The following PLD3 variants were observed in gnomAD, a reference collection of about 807,000 sequenced individuals.
PLD3 encodes the protein 5'-3' exonuclease PLD3.
In PLD3, 31 loss-of-function variants were observed where a neutral mutation model predicts 58.4. The observed-to-expected ratio is 0.53, with a 90% CI of 0.40 to 0.72. PLD3 has a LOEUF of 0.72. Among genes scored for constraint, PLD3 ranks in the 30% least tolerant of loss-of-function variants. PLD3 has a pLI of 0.00. For missense variants in PLD3, 595 were observed against 659.8 expected, an observed-to-expected ratio of 0.90 and a Z score of 1.08; for synonymous variants, 264 against 273.4, an observed-to-expected ratio of 0.97 and a Z score of 0.34.
intron 11 of PLD3, 39 bp from the exon 12 acceptor site, chr19:40,377,746 CT>C: frequency 6.7e-7 from 1 of 1,494,646 alleles, no homozygotes; most frequent in Non-Finnish European, 9.3e-7. Flanking sequence ...CCGACTCCCC[CT>C]GCCTCTCACA....
Position 40,366,754 on chromosome 19 carries a change from C to A in PLD3, c.103-19C>A. Reference sequence around the variant, plus strand: ...GGCTGCCCCCCTCGGGCTGGCTGACCACCTCCTCCTCCCCACAGAAAGCCC... The same window carrying A: ...GGCTGCCCCCCTCGGGCTGGCTGACAACCTCCTCCTCCCCACAGAAAGCCC... On this transcript the variant is annotated intron_variant, in intron 4 of 12. Transcript: ENST00000409735. 1 of 1,613,926 alleles carries A rather than the reference C, an allele frequency of 6.2e-7. No individual in the cohort carries two copies. The highest frequency in any genetic ancestry group is 1.1e-5 in the South Asian group (1 of 91,088).
intron 5 of PLD3, 60 bp from the exon 6 acceptor site, chr19:40,367,636 C>T: frequency 6.9e-7 from 1 of 1,449,350 alleles, no homozygotes; most frequent in Non-Finnish European, 9.5e-7. Context: ...CAGCTGAGCA[C>T]TCACCTCCCA....
chr19:40,371,950 G>T (rs934584642), intron 9 of PLD3, 77 bp downstream of exon 9: 4 of 1,210,612 alleles, frequency 3.3e-6, no homozygotes, highest in East Asian at 2.3e-5. Context: ...TCCCTGTTTG[G>T]TGATGACAGG....
At chr19:40,361,090 T>C (rs1175088383) in intron 1 of PLD3, among the ~76,000 whole-genome samples, 2 of 151,464 alleles carry the variant, frequency 1.3e-5, no homozygotes, top group African/African-American at 4.8e-5. Flanking sequence ...AAGAGTAGCC[T>C]GGGCAGCGTA....
Position 40,376,223 on chromosome 19 carries a change from C to T in PLD3, c.1020-386C>T, listed in dbSNP as rs577927821. The T allele has an allele frequency of 2.2e-3, 385 of 174,866 alleles. 2 individuals are homozygous for T. The highest frequency in any genetic ancestry group is 8.6e-3 in the African/African-American group (361 of 42,208). 10.8% of individuals were successfully genotyped at this position (174,866 alleles called of 1,614,324 possible). ...ATACAAAATTAGCCAGGCGTGGTAG[C>T]GCATGCCTGTAATCCTAGCTACCCG... On this transcript the variant is annotated intron_variant, in intron 10 of 12. Transcript: ENST00000409735.
At position 40,366,869 on chromosome 19, in the gene PLD3, C is replaced by T. The variant is rs778221354; in HGVS notation, c.199C>T (p.Leu67Phe). The change falls in exon 5 of 13, where the codon CTC becomes TTC. Residue 67 changes from leucine to phenylalanine, a missense_variant. Leu to Phe is a conservative substitution (Grantham distance 22). Coordinates refer to ENST00000409735, the MANE Select transcript of PLD3 (RefSeq NM_012268.4). ...LFLWEYGDLH[L>F]FGPNQRPAPC... Reference sequence around the variant, plus strand: ...TCTATGGGAATACGGCGACTTGCATCTCTTTGGGCCCAACCAGCGCCCAGC... The same window carrying T: ...TCTATGGGAATACGGCGACTTGCATTTCTTTGGGCCCAACCAGCGCCCAGC... 11 of 1,613,754 alleles carry T rather than the reference C, an allele frequency of 6.8e-6. No homozygotes were observed. The highest frequency in any genetic ancestry group is 1.6e-4 in the Middle Eastern group (1 of 6,078).
At chr19:40,364,658 TG>T (rs1200122972) in intron 1 of PLD3, among the ~76,000 whole-genome samples, 1 of 150,782 alleles carries the variant, frequency 6.6e-6, no homozygotes, top group African/African-American at 2.4e-5. Context: ...TAGCCGGGCA[TG>T]GTGGCGGGCG....
chr19:40,376,477 G>T, intron 10 of PLD3, 132 bp from the exon 11 acceptor site: 1 of 805,762 alleles, frequency 1.2e-6, no homozygotes, highest in Non-Finnish European at 2.0e-6. Flanking sequence ...ACAGGGTCTG[G>T]GAGCCAGCGA....
chr19:40,352,093 G>A (rs745768458), intron 1 of PLD3, among the ~76,000 whole-genome samples: 3 of 152,130 alleles, frequency 2.0e-5, no homozygotes, highest in Non-Finnish European at 4.4e-5. Context: ...CCAACATGGT[G>A]AAACCTCATC....
Position 40,377,948 on chromosome 19 carries a change from C to T in PLD3, c.1286-38C>T, listed in dbSNP as rs200652078. The T allele has an allele frequency of 1.4e-4, 225 of 1,612,632 alleles. 1 individual carries two copies. The African/African-American group carries it at 2.8e-3, about 20-fold the overall frequency. ...GGGGTTCAGACACCAGGGGCGGCCC[C>T]CCGAGGGTGCCCTTATGCTCCACCC... is the stretch of plus-strand genomic sequence containing the variant. On this transcript the variant is annotated intron_variant, in intron 12 of 12. Transcript: ENST00000409735.
At chr19:40,376,906 C>G in intron 11 of PLD3, 132 bp downstream of exon 11, 1 of 861,360 alleles carries the variant, frequency 1.2e-6, no homozygotes, top group South Asian at 1.8e-5. Flanking sequence ...AACCATGGGT[C>G]AGGGCCAGGG....
In PLD3 at chr19:40,374,512, G is replaced by A. The variant is rs528603627; in HGVS notation, c.911G>A (p.Arg304His). 1.4e-5 allele frequency: 22 copies of A among 1,614,106 alleles called. No homozygotes were observed. Among genetic ancestry groups the A allele is most frequent in the African/African-American group, 2.7e-5 (2 of 75,032 alleles). The change falls in exon 10 of 13, where the codon CGC (arginine) becomes CAC (histidine). Residue 304 changes from arginine to histidine, a missense_variant. Arg to His is a conservative substitution (Grantham distance 29, BLOSUM62 0). Transcript: ENST00000409735. ...SAPPPLCPSG[R>H]TPDLKALLNV... ...CCCCCACCCCTGTGTCCAAGTGGCCGCACTCCAGACCTGAAGGCTCTACTC... is the reference window on the plus strand; with the variant it reads ...CCCCCACCCCTGTGTCCAAGTGGCCACACTCCAGACCTGAAGGCTCTACTC...
chr19:40,370,715 CT>C (rs796133844), intron 8 of PLD3: 4 of 154,360 alleles, frequency 2.6e-5, no homozygotes, highest in African/African-American at 9.6e-5. Flanking sequence ...TGCCCTCCCC[CT>C]GCTCCTGGAA....
intron 8 of PLD3, chr19:40,370,703 A>G (rs977500349): frequency 6.5e-6 from 1 of 154,624 alleles, no homozygotes; most frequent in African/African-American, 2.4e-5. Flanking sequence ...GGAGCCCTCT[A>G]CTGCCCTCCC....
intron 9 of PLD3, among the ~76,000 whole-genome samples, chr19:40,373,941 G>C (rs1337673448): frequency 6.8e-6 from 1 of 146,410 alleles, no homozygotes; most frequent in African/African-American, 2.5e-5. Flanking sequence ...GCAATGAGCT[G>C]AGATCATGCC....
rs773281759 is a variant in PLD3, at chr19:40,366,912, G to T, written c.242G>T (p.Cys81Phe). The T allele has an allele frequency of 6.3e-7, 1 of 1,598,752 alleles. No homozygotes were observed. Among genetic ancestry groups the T allele is most frequent in the East Asian group, 2.2e-5 (1 of 44,722 alleles). ...CGCCCAGCCCCCTGCTATGACCCTT[G>T]CGAGTAAGTGGGGGGTGCTGCAGTT... ...NQRPAPCYDP[C>F]EAVLVESIPE... The change falls in exon 5 of 13, where the codon TGC becomes TTC. Residue 81 changes from cysteine to phenylalanine, a missense_variant. Physicochemically the swap from Cys to Phe is radical, Grantham distance 205. Transcript: ENST00000409735.
intron 1 of PLD3, among the ~76,000 whole-genome samples, chr19:40,362,544 T>C (rs1412018313): frequency 3.3e-5 from 5 of 152,310 alleles, no homozygotes; most frequent in Non-Finnish European, 5.9e-5. Context: ...CAAGCAATTC[T>C]CCTGCCTCAG....
intron 1 of PLD3, among the ~76,000 whole-genome samples, chr19:40,350,334 A>G (rs890200875): frequency 6.6e-6 from 1 of 151,956 alleles, no homozygotes; most frequent in Non-Finnish European, 1.5e-5. Context: ...CAGTTACTGC[A>G]TCTGCAATAT....
rs1253736592 is a variant in PLD3 at position 40,353,482 on chromosome 19, G to T, written c.-279+4714G>T. 5.5e-4 allele frequency among the ~76,000 whole-genome samples: 84 copies of T among 152,120 alleles called. 2 individuals carry two copies. Among genetic ancestry groups the T allele is most frequent in the Admixed American group, 5.5e-3 (84 of 15,256 alleles). ...AACCAATGCTGTGCAACCTAAGCAG[G>T]TAATTTCCCTGAGCCCTGCCACCTC... is the stretch of plus-strand genomic sequence containing the variant. On this transcript the variant is annotated intron_variant, in intron 1 of 12. Coordinates refer to ENST00000409735, the MANE Select transcript of PLD3 (RefSeq NM_012268.4).
Sources: gnomAD v4.1 joint callset for allele counts (sites outside exome capture counted in the v4.1 genomes callset) on GRCh38, gnomAD v4.1.1 for gene constraint, MANE v1.5 for transcripts, NCBI Gene and HGNC (gene_info 2026-07-23, HGNC 2026-07-21) for gene names.